Variants in CDK17 observed in about 807,000 individuals in gnomAD.
CDK17 encodes cyclin-dependent kinase 17.
Under a neutral mutation model 77.6 loss-of-function variants are expected in CDK17, and 24 were observed. The ratio of observed to expected loss-of-function variants is 0.31; its 90% CI spans 0.22 to 0.44. CDK17 has a LOEUF of 0.44. Among genes scored for constraint, CDK17 ranks in the 20% least tolerant of loss-of-function variants. The probability of loss-of-function intolerance (pLI) is 1.00; values close to 1 mark genes in which losing one functional copy is unlikely to be tolerated. For missense variants in CDK17, 429 were observed against 622.5 expected, an observed-to-expected ratio of 0.69 and a Z score of 3.31; for synonymous variants, 203 against 210.4, an observed-to-expected ratio of 0.96 and a Z score of 0.30.
intron 1 of CDK17, among the ~76,000 whole-genome samples, chr12:96,364,311 G>A (rs2137194822): frequency 6.6e-6 from 1 of 152,278 alleles, no homozygotes; most frequent in East Asian, 1.9e-4. Context: ...GCAGATGTAT[G>A]TTTAACTTTC....
rs1234737627 is a variant in CDK17, at chr12:96,394,138, C to T, written c.-30+5848G>A. On this transcript the variant is annotated intron_variant, in intron 1 of 16. Coordinates refer to ENST00000261211, the MANE Select transcript of CDK17 (RefSeq NM_002595.5). Reference sequence around the variant, plus strand: ...GTGCACGCCTGTAATCCCAGCTACTCGGGAGGCTGAGGCAGGAGAATCACT... The same window carrying T: ...GTGCACGCCTGTAATCCCAGCTACTTGGGAGGCTGAGGCAGGAGAATCACT... Among the ~76,000 whole-genome samples, 13 of 151,472 alleles carry T rather than the reference C, an allele frequency of 8.6e-5. No homozygotes were observed. In the East Asian group the frequency reaches 2.1e-3, roughly 25 times the overall value.
chr12:96,355,142 G>A (rs546523754), intron 1 of CDK17, among the ~76,000 whole-genome samples: 10 of 151,954 alleles, frequency 6.6e-5, no homozygotes, highest in Non-Finnish European at 1.0e-4. Flanking sequence ...TTTTAACCTC[G>A]TTTTCTGCCA....
chr12:96,399,924 C>G (rs1361449202), intron 1 of CDK17, 62 bp downstream of exon 1: 1 of 351,072 alleles, frequency 2.8e-6, no homozygotes. Context: ...CGCAGCCTCC[C>G]GGCCCCGCGG....
chr12:96,332,017 A>C (rs1251419228), intron 2 of CDK17, among the ~76,000 whole-genome samples: 1 of 152,180 alleles, frequency 6.6e-6, no homozygotes, highest in African/African-American at 2.4e-5. Flanking sequence ...CCTATAGCCT[A>C]GTGATGCCAG....
At chr12:96,390,760 A>G (rs912648449) in intron 1 of CDK17, among the ~76,000 whole-genome samples, 5 of 151,236 alleles carry the variant, frequency 3.3e-5, no homozygotes, top group Admixed American at 1.3e-4. Flanking sequence ...AAATCCTTCA[A>G]GTTTAAAAGT....
At position 96,304,665 on chromosome 12, in the gene CDK17, G is replaced by A. The variant is rs377429439; in HGVS notation, c.544-4305C>T. Among the ~76,000 whole-genome samples the A allele has an allele frequency of 1.1e-4, 16 of 152,318 alleles. No homozygotes were observed. The East Asian group carries it at 2.1e-3, about 20-fold the overall frequency. ...TTTTATCCCTTAGACTTGGTGGGCA[G>A]GGGGAAAGACTGAGAATCTCTATTC... On this transcript the variant is annotated intron_variant, in intron 5 of 16. Coordinates refer to ENST00000261211, the MANE Select transcript of CDK17 (RefSeq NM_002595.5).
intron 9 of CDK17, among the ~76,000 whole-genome samples, chr12:96,296,962 GTGTT>G (rs1952415413): frequency 1.3e-5 from 2 of 151,896 alleles, no homozygotes; most frequent in South Asian, 2.1e-4. Flanking sequence ...CCCATCATTC[GTGTT>G]TATTTTGAAT....
intron 1 of CDK17, among the ~76,000 whole-genome samples, chr12:96,377,063 C>T (rs1565842369): frequency 6.6e-6 from 1 of 152,080 alleles, no homozygotes; most frequent in Non-Finnish European, 1.5e-5. Flanking sequence ...ATCTGAATCA[C>T]CTATATGGCC....
chr12:96,389,618 G>A (rs1308925127), intron 1 of CDK17, among the ~76,000 whole-genome samples: 1 of 152,170 alleles, frequency 6.6e-6, no homozygotes, highest in East Asian at 1.9e-4. Context: ...AATAAACCAT[G>A]ATCTCAAAAG....
intron 1 of CDK17, among the ~76,000 whole-genome samples, chr12:96,349,383 G>C (rs928540912): frequency 1.3e-5 from 2 of 152,076 alleles, no homozygotes; most frequent in Admixed American, 6.5e-5. Context: ...AACCCAGGAG[G>C]GGGAGGTTGC....
chr12:96,291,148 T>G (rs544371318), intron 10 of CDK17, among the ~76,000 whole-genome samples: 2 of 140,766 alleles, frequency 1.4e-5, no homozygotes, highest in Non-Finnish European at 3.1e-5. Flanking sequence ...AAGGAAGAAA[T>G]AGAGACAGAA....
rs1470275624 is a variant in CDK17 at position 96,324,130 on chromosome 12, C to A, written c.119-18G>T. 3.2e-6 allele frequency: 5 copies of A among 1,574,802 alleles called. No individual in the cohort carries two copies. In the South Asian group the frequency reaches 3.6e-5, roughly 11 times the overall value. Reference sequence around the variant, plus strand: ...AATAGGCTCTGTGGTTCATAGAATTCGAAAATCATTCCATCATCAGTCCAA... The same window carrying A: ...AATAGGCTCTGTGGTTCATAGAATTAGAAAATCATTCCATCATCAGTCCAA... On this transcript the variant is annotated intron_variant, in intron 2 of 16. Coordinates refer to ENST00000261211, the MANE Select transcript of CDK17 (RefSeq NM_002595.5).
chr12:96,283,413 T>G (rs1592702624), intron 14 of CDK17, among the ~76,000 whole-genome samples, 190 bp downstream of exon 14: 1 of 150,774 alleles, frequency 6.6e-6, no homozygotes, highest in Non-Finnish European at 1.5e-5. Flanking sequence ...CTGTTGTAGG[T>G]GACAAGAGAC....
intron 11 of CDK17, among the ~76,000 whole-genome samples, chr12:96,288,799 T>G (rs575752180): frequency 6.6e-6 from 1 of 152,198 alleles, no homozygotes; most frequent in African/African-American, 2.4e-5. Flanking sequence ...AAAATGATAA[T>G]TTTGTTTTAA....
rs1952861696 is a variant in CDK17 at position 96,324,120 on chromosome 12, T to A, written c.119-8A>T. The A allele has an allele frequency of 6.3e-7, 1 of 1,586,354 alleles. No homozygotes were observed. Among genetic ancestry groups the A allele is most frequent in the African/African-American group, 1.4e-5 (1 of 73,912 alleles). On this transcript the variant is annotated splice_region_variant and splice_polypyrimidine_tract_variant and intron_variant, in intron 2 of 16. Transcript: ENST00000261211. ...CATTCTTCACAATAGGCTCTGTGGTTCATAGAATTCGAAAATCATTCCATC... is the reference window on the plus strand; with the variant it reads ...CATTCTTCACAATAGGCTCTGTGGTACATAGAATTCGAAAATCATTCCATC...
chr12:96,388,552 T>C (rs935507891), intron 1 of CDK17, among the ~76,000 whole-genome samples: 1 of 152,222 alleles, frequency 6.6e-6, no homozygotes, highest in Non-Finnish European at 1.5e-5. Flanking sequence ...TTCATTCAAT[T>C]GTCCTTGTGA....
intron 1 of CDK17, among the ~76,000 whole-genome samples, chr12:96,340,449 CTG>C (rs2137153230): frequency 6.6e-6 from 1 of 152,194 alleles, no homozygotes; most frequent in African/African-American, 2.4e-5. Flanking sequence ...TATTTTTAAT[CTG>C]TGGTATAATT....
intron 1 of CDK17, among the ~76,000 whole-genome samples, chr12:96,387,874 T>C (rs998438836): frequency 6.6e-6 from 1 of 151,854 alleles, no homozygotes; most frequent in Non-Finnish European, 1.5e-5. Flanking sequence ...GCCCAGTAGG[T>C]TGAGGATGCA....
chr12:96,393,257 G>C (rs576249591), intron 1 of CDK17, among the ~76,000 whole-genome samples: 8 of 149,558 alleles, frequency 5.3e-5, no homozygotes, highest in Admixed American at 2.0e-4. Context: ...CCACCTACTC[G>C]AGAGGCTGAG....
Sources: gnomAD v4.1 joint callset for allele counts (sites outside exome capture counted in the v4.1 genomes callset) on GRCh38, gnomAD v4.1.1 for gene constraint, MANE v1.5 for transcripts, NCBI Gene and HGNC (gene_info 2026-07-23, HGNC 2026-07-21) for gene names.